Variants in PITPNM3 observed in about 807,000 individuals in gnomAD.
PITPNM3 encodes the protein membrane-associated phosphatidylinositol transfer protein 3.
Under a neutral mutation model 102.0 loss-of-function variants are expected in PITPNM3, and 26 were observed. The ratio of observed to expected loss-of-function variants is 0.25; its 90% CI spans 0.19 to 0.35. The LOEUF (loss-of-function observed/expected upper bound fraction) is 0.35. PITPNM3 is among the 10% of genes least tolerant of loss of function. The pLI is 1.00. For synonymous variants in PITPNM3, 578 were observed against 558.6 expected (o/e 1.03, Z -0.49); for missense variants, 1,083 against 1,346.1 (o/e 0.80, Z 3.06).
chr17:6,485,099 T>C (rs1418078575), intron 4 of PITPNM3, among the ~76,000 whole-genome samples: 1 of 151,856 alleles, frequency 6.6e-6, no homozygotes, highest in Non-Finnish European at 1.5e-5. Flanking sequence ...TCAGCCTCCA[T>C]CATCACGAAA....
chr17:6,454,587 G>A lies in PITPNM3; in HGVS notation c.*751C>T, dbSNP rs1262679887. On this transcript the variant is annotated 3_prime_UTR_variant, in exon 20 of 20. Transcript: ENST00000262483. ...AGCTCAGGGGCTCACAGCCAGCCCAGCTGAGCCAGAGCCCAAGGCTGCAGC... is the reference window on the plus strand; with the variant it reads ...AGCTCAGGGGCTCACAGCCAGCCCAACTGAGCCAGAGCCCAAGGCTGCAGC... The A allele has an allele frequency of 6.6e-6, 1 of 152,354 alleles. No individual in the cohort carries two copies. The highest frequency in any genetic ancestry group is 1.5e-5 in the Non-Finnish European group (1 of 68,118). 9.4% of individuals were successfully genotyped at this position (152,354 alleles called of 1,614,324 possible).
At chr17:6,467,292 G>A (rs1487619661) in intron 14 of PITPNM3, among the ~76,000 whole-genome samples, 2 of 152,156 alleles carry the variant, frequency 1.3e-5, no homozygotes. Flanking sequence ...TCATCGAAAT[G>A]AAATGTCCAG....
intron 1 of PITPNM3, among the ~76,000 whole-genome samples, chr17:6,540,467 G>T (rs1909671915): frequency 6.6e-6 from 1 of 151,400 alleles, no homozygotes; most frequent in South Asian, 2.1e-4. Context: ...GGAGAAAATG[G>T]TTGGGGAAAC....
intron 15 of PITPNM3, 106 bp downstream of exon 15, chr17:6,464,549 C>A: frequency 1.4e-5 from 17 of 1,256,006 alleles, no homozygotes; most frequent in Non-Finnish European, 1.9e-5. Flanking sequence ...GCTTCCACCC[C>A]AGGCAGCTCG....
At chr17:6,492,854 T>C (rs1301131430) in intron 4 of PITPNM3, among the ~76,000 whole-genome samples, 1 of 150,360 alleles carries the variant, frequency 6.7e-6, no homozygotes, top group Non-Finnish European at 1.5e-5. Flanking sequence ...TGAAACCCTA[T>C]CTCAAAAAAT....
chr17:6,556,293 G>T lies in PITPNM3; in HGVS notation c.22+92C>A. The T allele has an allele frequency of 1.7e-6, 2 of 1,161,548 alleles. No individual in the cohort carries two copies. Among genetic ancestry groups the T allele is most frequent in the South Asian group, 1.7e-5 (1 of 58,314 alleles). The allele number at this position is 1,161,548 out of a possible 1,614,324, so 72.0% of individuals were successfully genotyped here. On this transcript the variant is annotated intron_variant, in intron 1 of 19. Transcript: ENST00000262483. This position sits in a 1 kb window ranked among gnomAD's most constrained non-coding sequence, Gnocchi z 5.2. ...CCTCCCGGGACCTCCGCCCACCTGCGCGAGGGGTTCACCTGGGCCGGCGGC... is the reference window on the plus strand; with the variant it reads ...CCTCCCGGGACCTCCGCCCACCTGCTCGAGGGGTTCACCTGGGCCGGCGGC...
At chr17:6,551,637 A>G (rs1910305463) in intron 1 of PITPNM3, among the ~76,000 whole-genome samples, 1 of 152,150 alleles carries the variant, frequency 6.6e-6, no homozygotes, top group South Asian at 2.1e-4. Context: ...TACTTTGGGA[A>G]GCCAAAGCAG....
At position 6,470,534 on chromosome 17, in the gene PITPNM3, C is replaced by G. The variant is rs2150724315; in HGVS notation, c.1625-126G>C. On this transcript the variant is annotated intron_variant, in intron 12 of 19. Transcript: ENST00000262483. This position sits in a 1 kb window ranked among gnomAD's most constrained non-coding sequence, Gnocchi z 4.8. ...CGTGGGGCACGGGTTTGGGCGGGAG[C>G]ACCCTGGCCTGGAGGAGGCCTGGGG... 1.5e-6 allele frequency: 2 copies of G among 1,299,172 alleles called. No homozygotes were observed. Among genetic ancestry groups the G allele is most frequent in the South Asian group, 2.4e-5 (2 of 82,202 alleles). 80.5% of individuals were successfully genotyped at this position (1,299,172 alleles called of 1,614,324 possible). A position where few individuals can be genotyped will look rare whatever the true frequency, so the allele number is the denominator to read the frequency against.
chr17:6,508,978 A>C (rs1039562033), intron 3 of PITPNM3, among the ~76,000 whole-genome samples: 2 of 152,194 alleles, frequency 1.3e-5, no homozygotes, highest in African/African-American at 2.4e-5. Context: ...GACCCCACTT[A>C]GCCTAGAGCT....
intron 9 of PITPNM3, among the ~76,000 whole-genome samples, chr17:6,475,302 G>A (rs757934660): frequency 1.3e-5 from 2 of 152,118 alleles, no homozygotes; most frequent in South Asian, 2.1e-4. Flanking sequence ...CCACTGTCCC[G>A]GGAAGAATCC....
At chr17:6,471,537 C>T (rs1179550845) in intron 11 of PITPNM3, among the ~76,000 whole-genome samples, 182 bp from the exon 12 acceptor site, 5 of 152,178 alleles carry the variant, frequency 3.3e-5, no homozygotes, top group Admixed American at 1.3e-4. Context: ...GTCCCCTGGG[C>T]CTGAAGGGAC....
rs71381397 is a variant in PITPNM3, at chr17:6,491,816, A to AATAT, written c.275-7528_275-7525dup. 4.7e-4 allele frequency among the ~76,000 whole-genome samples: 29 copies of AATAT among 62,048 alleles called. 1 individual carries two copies. The highest frequency in any genetic ancestry group is 2.1e-3 in the South Asian group (4 of 1,872). 40.7% of individuals were successfully genotyped at this position (62,048 alleles called of 152,430 possible). A position where few individuals can be genotyped will look rare whatever the true frequency, so the allele number is the denominator to read the frequency against. On this transcript the variant is annotated intron_variant, in intron 4 of 19. Coordinates refer to ENST00000262483, the MANE Select transcript of PITPNM3 (RefSeq NM_031220.4). ...TTTTCTCTAGATGCTGGGACAATGG[A>AATAT]ATATATATATATATATATATAATAA...
At chr17:6,529,933 A>G (rs893291867) in intron 2 of PITPNM3, among the ~76,000 whole-genome samples, 1 of 151,988 alleles carries the variant, frequency 6.6e-6, no homozygotes, top group African/African-American at 2.4e-5. Context: ...CCCTCCCCCA[A>G]TGGGGGAAAA....
intron 1 of PITPNM3, among the ~76,000 whole-genome samples, chr17:6,551,512 G>A (rs537307788): frequency 3.3e-5 from 5 of 152,128 alleles, no homozygotes; most frequent in African/African-American, 4.8e-5. Context: ...TAGAGTAATC[G>A]GTGCCCTAGG....
In PITPNM3 at chr17:6,454,009, T is replaced by C. The variant is rs1913974475; in HGVS notation, c.*1329A>G. 6.6e-6 allele frequency: 1 copy of C among 152,428 alleles called. No homozygotes were observed. Among genetic ancestry groups the C allele is most frequent in the African/African-American group, 2.4e-5 (1 of 41,458 alleles). 9.4% of individuals were successfully genotyped at this position (152,428 alleles called of 1,614,324 possible). A position where few individuals can be genotyped will look rare whatever the true frequency, so the allele number is the denominator to read the frequency against. ...TAGGGGCCCCAGAAGGGCCAAGTCC[T>C]GCCAACCTCAGGGGACTACCCAGGA... is the stretch of plus-strand genomic sequence containing the variant. On this transcript the variant is annotated 3_prime_UTR_variant, in exon 20 of 20. Transcript: ENST00000262483.
chr17:6,542,079 C>G (rs576125759), intron 1 of PITPNM3, among the ~76,000 whole-genome samples: 1 of 152,166 alleles, frequency 6.6e-6, no homozygotes, highest in African/African-American at 2.4e-5. Flanking sequence ...CTCCATTGCC[C>G]GCTCTCTTGG....
At chr17:6,521,501 C>T (rs900723387) in intron 3 of PITPNM3, 1 of 151,822 alleles carries the variant, frequency 6.6e-6, no homozygotes, top group Non-Finnish European at 1.5e-5. Flanking sequence ...ACAAGACAAA[C>T]AATTGCAAAA....
chr17:6,472,509 A>AT lies in PITPNM3; in HGVS notation c.1429+147_1429+148insA. The AT allele has an allele frequency of 8.7e-7, 1 of 1,143,922 alleles. No individual in the cohort carries two copies. Among genetic ancestry groups the AT allele is most frequent in the Non-Finnish European group, 1.2e-6 (1 of 801,846 alleles). 70.9% of individuals were successfully genotyped at this position (1,143,922 alleles called of 1,614,324 possible). A position where few individuals can be genotyped will look rare whatever the true frequency, so the allele number is the denominator to read the frequency against. ...AGCAGGTGCTTAGCACAGGTGGGCG[A>AT]CTCTGAAGACAGAGGAGTCGGCTAA... On this transcript the variant is annotated intron_variant, in intron 11 of 19. Transcript: ENST00000262483. The surrounding 1 kb of genome is among the most constrained non-coding windows in gnomAD (Gnocchi z 4.1).
At position 6,519,206 on chromosome 17, in the gene PITPNM3, G is replaced by A. The variant is rs1908356889; in HGVS notation, c.226+6150C>T. 4.3e-5 allele frequency among the ~76,000 whole-genome samples: 2 copies of A among 46,392 alleles called. 1 individual carries two copies. 30.4% of individuals were successfully genotyped at this position (46,392 alleles called of 152,430 possible). A position where few individuals can be genotyped will look rare whatever the true frequency, so the allele number is the denominator to read the frequency against. On this transcript the variant is annotated intron_variant, in intron 3 of 19. Coordinates refer to ENST00000262483, the MANE Select transcript of PITPNM3 (RefSeq NM_031220.4). The stretch of plus-strand genomic sequence containing the variant: ...CAAAAAATTAGCCGGGCGCGGTGGC[G>A]GGCGCCTGTAGTCCCAGCTACTCGG...
Sources: allele counts gnomAD v4.1 joint callset (sites outside exome capture counted in the v4.1 genomes callset), GRCh38; gene constraint gnomAD v4.1.1; non-coding constraint Gnocchi (gnomAD v3.1); transcripts MANE v1.5; gene names NCBI Gene and HGNC (gene_info 2026-07-23, HGNC 2026-07-21).